The following TPSG1 variants were observed in gnomAD, a reference collection of about 807,000 sequenced individuals.
TPSG1 encodes tryptase gamma 1.
A neutral mutation model predicts 23.8 loss-of-function variants in TPSG1; 43 were observed. That is an observed-to-expected ratio of 1.81 (90% CI 1.42 to 2.33). The LOEUF is 2.33. Among genes scored for constraint, TPSG1 ranks in the 30% most tolerant of loss-of-function variants. The pLI is 0.00. For synonymous variants in TPSG1, 302 were observed against 201.3 expected (o/e 1.50, Z -4.23); for missense variants, 623 against 438.6 (o/e 1.42, Z -3.75).
rs767100763 is a variant in TPSG1, at chr16:1,223,554, G to A, written c.114C>T (p.Ile38=). ...CGGCCGGGGCAGCGTGACCCCCCAC[G>A]ATCCGGCCGCCTGCATCCGAAACCT... ...RPQVSDAGGR[I]VGGHAAPAGA... is the part of the protein sequence containing the mutation. Residue 38 remains isoleucine, a synonymous_variant, in exon 3 of 6, where the codon ATC becomes ATT. Transcript: ENST00000234798. The A allele has an allele frequency of 2.7e-5, 42 of 1,545,982 alleles. No individual in the cohort carries two copies. In the African/African-American group the frequency reaches 4.2e-4, roughly 16 times the overall value.
chr16:1,225,198 G>C lies in TPSG1; in HGVS notation c.46+9C>G, dbSNP rs1485301837. On this transcript the variant is annotated intron_variant, in intron 1 of 5. Coordinates refer to ENST00000234798, the MANE Select transcript of TPSG1 (RefSeq NM_012467.4). ...CCCCCCATCCCCACACCCAGGCCAGGTCACCCACCGGGCACAGCCAGGAGC... is the reference window on the plus strand; with the variant it reads ...CCCCCCATCCCCACACCCAGGCCAGCTCACCCACCGGGCACAGCCAGGAGC... 6.4e-6 allele frequency: 10 copies of C among 1,572,824 alleles called. No homozygotes were observed. In the African/African-American group the frequency reaches 1.2e-4, roughly 19 times the overall value.
intron 2 of TPSG1, chr16:1,223,901 T>G (rs1596487609): frequency 1.2e-5 from 5 of 416,342 alleles, no homozygotes; most frequent in East Asian, 1.0e-4. Flanking sequence ...CTCAGAACGG[T>G]GGAGCCCCCG....
rs747253026 is a variant in TPSG1 at position 1,222,848 on chromosome 16, G to A, written c.315C>T (p.Ser105=). The change falls in exon 4 of 6, where the codon TCC becomes TCT. Residue 105 remains serine (S), a synonymous_variant. Transcript: ENST00000234798. ...ELEITLSPHF[S]TVRQIILHSS... ...AGTGCAGGATGATCTGCCTCACGGT[G>A]GAGAAGTGGGGAGACAGAGTGATCT... 6.2e-6 allele frequency: 10 copies of A among 1,610,856 alleles called. No individual in the cohort carries two copies. The South Asian group carries it at 9.9e-5, about 16-fold the overall frequency.
In TPSG1 at chr16:1,221,910, G is replaced by C; in HGVS notation, c.844C>G (p.Leu282Val). The C allele has an allele frequency of 6.2e-7, 1 of 1,611,490 alleles. No homozygotes were observed. Among genetic ancestry groups the C allele is most frequent in the Non-Finnish European group, 8.5e-7 (1 of 1,179,204 alleles). ...SGGSESGYPR[L>V]PLLAGFFLPG... ...AGGAAGAAGCCAGCCAGGAGGGGGAGCCTGGGGTACCCAGACTCTGAGCCC... is the reference window on the plus strand; with the variant it reads ...AGGAAGAAGCCAGCCAGGAGGGGGACCCTGGGGTACCCAGACTCTGAGCCC... Residue 282 changes from leucine to valine, a missense_variant, in exon 6 of 6, where the codon CTC becomes GTC. By Grantham distance (32) the Leu-to-Val change is conservative. Transcript: ENST00000234798.
rs1259938413 is a variant in TPSG1, at chr16:1,221,768, A to G, written c.*20T>C. ...GAATAAATAGTAACTTATTTAAGAAATGCACTTGGATTCCTGCCATCAGTC... is the reference window on the plus strand; with the variant it reads ...GAATAAATAGTAACTTATTTAAGAAGTGCACTTGGATTCCTGCCATCAGTC... On this transcript the variant is annotated 3_prime_UTR_variant, in exon 6 of 6. Coordinates refer to ENST00000234798, the MANE Select transcript of TPSG1 (RefSeq NM_012467.4). 2 of 1,582,458 alleles carry G rather than the reference A, an allele frequency of 1.3e-6. No homozygotes were observed. Among genetic ancestry groups the G allele is most frequent in the Middle Eastern group, 1.7e-4 (1 of 5,880 alleles).
intron 1 of TPSG1, among the ~76,000 whole-genome samples, 167 bp downstream of exon 1, chr16:1,225,040 G>A (rs1467820948): frequency 3.3e-5 from 5 of 151,912 alleles, no homozygotes; most frequent in Non-Finnish European, 7.4e-5. Flanking sequence ...ACGGACAGCT[G>A]GGCCTCCAGC....
At chr16:1,224,716 C>T (rs971956403) in intron 1 of TPSG1, 88 bp from the exon 2 acceptor site, 261 of 1,565,956 alleles carry the variant, frequency 1.7e-4, no homozygotes, top group Non-Finnish European at 2.1e-4. Context: ...GGCCTCAGGG[C>T]GGCACTGGGG....
In TPSG1 at chr16:1,222,754, G is replaced by A. The variant is rs764670711; in HGVS notation, c.409C>T (p.Leu137Phe). ...ALVELSVPVT[L>F]SSRILPVCLP... ...CAGACGGGCAGGATCCGGCTGGAGA[G>A]GGTCACGGGGACACTGAGCTCCACC... The change falls in exon 4 of 6, where the codon CTC (leucine) becomes TTC (phenylalanine). Residue 137 changes from leucine to phenylalanine, a missense_variant. Coordinates refer to ENST00000234798, the MANE Select transcript of TPSG1 (RefSeq NM_012467.4). 1.9e-6 allele frequency: 3 copies of A among 1,611,986 alleles called. No homozygotes were observed. The highest frequency in any genetic ancestry group is 2.5e-6 in the Non-Finnish European group (3 of 1,179,502).
chr16:1,222,772 G>C lies in TPSG1; in HGVS notation c.391C>G (p.Leu131Val), dbSNP rs1567565321. Residue 131 changes from leucine to valine, a missense_variant, in exon 4 of 6, where the codon CTC becomes GTC. Leu to Val is a conservative substitution (Grantham distance 32, BLOSUM62 1). Transcript: ENST00000234798. ...CTGGAGAGGGTCACGGGGACACTGA[G>C]CTCCACCAGGGCGATGTCCCCGCTG... is the stretch of plus-strand genomic sequence containing the variant. ...GTSGDIALVE[L>V]SVPVTLSSRI... is the part of the protein sequence containing the mutation. 1.2e-6 allele frequency: 2 copies of C among 1,612,394 alleles called. No homozygotes were observed. The highest frequency in any genetic ancestry group is 1.7e-5 in the Admixed American group (1 of 60,006).
chr16:1,223,348 T>A, intron 3 of TPSG1, 75 bp downstream of exon 3: 1 of 1,456,418 alleles, frequency 6.9e-7, no homozygotes, highest in Non-Finnish European at 9.1e-7. Context: ...CAAGACCAAG[T>A]GGAGGCCTCT....
At chr16:1,224,892 A>G (rs1046622971) in intron 1 of TPSG1, 5 of 595,898 alleles carry the variant, frequency 8.4e-6, no homozygotes, top group Non-Finnish European at 1.5e-5. Flanking sequence ...GGTCCTGCTC[A>G]GGAAAGAAAT....
At chr16:1,223,716 C>A in intron 2 of TPSG1, 122 bp from the exon 3 acceptor site, 1 of 1,198,988 alleles carries the variant, frequency 8.3e-7, no homozygotes, top group Non-Finnish European at 1.1e-6. Context: ...TCAGCTCTCT[C>A]GTCTGCCAGA....
intron 3 of TPSG1, 77 bp from the exon 4 acceptor site, chr16:1,222,994 C>T: frequency 2.1e-6 from 3 of 1,455,956 alleles, no homozygotes; most frequent in Admixed American, 4.7e-5. Context: ...CCAGACCCTA[C>T]CCTTGCAGGC....
Position 1,223,648 on chromosome 16 carries a change from C to G in TPSG1, c.74-54G>C, listed in dbSNP as rs1048985715. ...TGGGGATCCCAAGAAACCCACTGCA[C>G]TTCCTCCATGAAGCCTTCCCTGACC... On this transcript the variant is annotated intron_variant, in intron 2 of 5. Transcript: ENST00000234798. The G allele has an allele frequency of 2.6e-6, 4 of 1,512,314 alleles. No individual in the cohort carries two copies. In the African/African-American group the frequency reaches 4.2e-5, roughly 16 times the overall value. 93.7% of individuals were successfully genotyped at this position (1,512,314 alleles called of 1,614,324 possible). A position where few individuals can be genotyped will look rare whatever the true frequency, so the allele number is the denominator to read the frequency against.
chr16:1,224,891 C>G (rs190119182), intron 1 of TPSG1: 17 of 597,930 alleles, frequency 2.8e-5, no homozygotes, highest in Non-Finnish European at 5.1e-5. Context: ...AGGTCCTGCT[C>G]AGGAAAGAAA....
rs748520065 is a variant in TPSG1, at chr16:1,223,572, C to G, written c.96G>C (p.Ser32=). The G allele has an allele frequency of 2.6e-6, 4 of 1,542,864 alleles. No homozygotes were observed. Among genetic ancestry groups the G allele is most frequent in the Non-Finnish European group, 3.5e-6 (4 of 1,146,486 alleles). Residue 32 remains serine (S), a synonymous_variant, in exon 3 of 6, where the codon TCG becomes TCC. Coordinates refer to ENST00000234798, the MANE Select transcript of TPSG1 (RefSeq NM_012467.4). ...CCCCCACGATCCGGCCGCCTGCATC[C>G]GAAACCTGCGGCCGGCCACACCCTA... is the stretch of plus-strand genomic sequence containing the variant. ...LQPGCGRPQV[S]DAGGRIVGGH...
At chr16:1,224,783 C>T in intron 1 of TPSG1, 155 bp from the exon 2 acceptor site, 1 of 872,574 alleles carries the variant, frequency 1.1e-6, no homozygotes, top group Non-Finnish European at 1.8e-6. Flanking sequence ...CAACTGCTGT[C>T]TCACTGGCCC....
In TPSG1 at chr16:1,222,428, C is replaced by T; in HGVS notation, c.512-87G>A. 9.1e-6 allele frequency: 12 copies of T among 1,311,844 alleles called. 1 individual carries two copies. The highest frequency in any genetic ancestry group is 2.8e-5 in the South Asian group (2 of 71,538). The allele number at this position is 1,311,844 out of a possible 1,614,324, so 81.3% of individuals were successfully genotyped here. ...GGGAGACCTTGCCAGACACAAGTCC[C>T]ATGCCACCACGACCCTCGTCACGGC... On this transcript the variant is annotated intron_variant, in intron 4 of 5. Transcript: ENST00000234798.
rs370112914 is a variant in TPSG1 at position 1,222,145 on chromosome 16, C to T, written c.658-49G>A. 1.9e-5 allele frequency: 30 copies of T among 1,611,870 alleles called. No homozygotes were observed. In the African/African-American group the frequency reaches 2.7e-4, roughly 14 times the overall value. ...TGGGAGCCGAGAAGATGGGGAGCCC[C>T]TCCCTGGGCTTCAGCCGCCCCCATC... On this transcript the variant is annotated intron_variant, in intron 5 of 5. Transcript: ENST00000234798.
Sources: gnomAD v4.1 joint callset for allele counts (sites outside exome capture counted in the v4.1 genomes callset) on GRCh38, gnomAD v4.1.1 for gene constraint, MANE v1.5 for transcripts, NCBI Gene and HGNC (gene_info 2026-07-23, HGNC 2026-07-21) for gene names.